SLC39A8: variants seen among roughly 807,000 people sequenced by gnomAD.
SLC39A8 encodes the protein solute carrier family 39 member 8.
In SLC39A8, 15 loss-of-function variants were observed where a neutral mutation model predicts 40.4. The ratio of observed to expected loss-of-function variants is 0.37; its 90% CI spans 0.25 to 0.57. The LOEUF is 0.57. SLC39A8 is among the 20% of genes least tolerant of loss of function. The probability of loss-of-function intolerance (pLI) is 0.75; values close to 1 mark genes in which losing one functional copy is unlikely to be tolerated. For synonymous variants in SLC39A8, 223 were observed against 221.6 expected, an observed-to-expected ratio of 1.01 and a Z score of -0.06; for missense variants, 472 against 558.8, an observed-to-expected ratio of 0.84 and a Z score of 1.57.
chr4:102,338,625 C>T (rs541005542), intron 2 of SLC39A8, among the ~76,000 whole-genome samples: 3 of 152,202 alleles, frequency 2.0e-5, no homozygotes, highest in South Asian at 4.2e-4. Context: ...GTAACTTCTC[C>T]CTGTAGTTCA....
intron 6 of SLC39A8, among the ~76,000 whole-genome samples, chr4:102,285,844 CT>C (rs777440260): frequency 4.0e-4 from 61 of 152,094 alleles, no homozygotes; most frequent in Non-Finnish European, 6.9e-4. Flanking sequence ...AATTCTGCCT[CT>C]GCAAGTGCTT....
At chr4:102,323,246 T>C (rs1193351556) in intron 2 of SLC39A8, among the ~76,000 whole-genome samples, 1 of 152,238 alleles carries the variant, frequency 6.6e-6, no homozygotes, top group Non-Finnish European at 1.5e-5. Context: ...AACAGGTTGC[T>C]CACACCTTCT....
rs191664734 is a variant in SLC39A8 at position 102,312,396 on chromosome 4, G to T, written c.382+3272C>A. 3.5e-4 allele frequency among the ~76,000 whole-genome samples: 53 copies of T among 152,108 alleles called. 1 individual carries two copies. The highest frequency in any genetic ancestry group is 6.6e-4 in the Admixed American group (10 of 15,258). ...GGTGATCCCATAACTTAGAATTGCTGACTTTTCCATTTTATGACTTTGTAG... is the reference window on the plus strand; with the variant it reads ...GGTGATCCCATAACTTAGAATTGCTTACTTTTCCATTTTATGACTTTGTAG... On this transcript the variant is annotated intron_variant, in intron 3 of 8. Transcript: ENST00000356736.
Position 102,315,707 on chromosome 4 carries a change from C to A in SLC39A8, c.343G>T (p.Asp115Tyr), listed in dbSNP as rs1405467197. 4 of 1,612,538 alleles carry A rather than the reference C, an allele frequency of 2.5e-6. No homozygotes were observed. The highest frequency in any genetic ancestry group is 2.7e-5 in the African/African-American group (2 of 74,846). The change falls in exon 3 of 9, where the codon GAT (aspartate) becomes TAT (tyrosine). Residue 115 changes from aspartate (D) to tyrosine (Y), a missense_variant. Asp to Tyr is a radical substitution (Grantham distance 160, BLOSUM62 -3). This residue lies in a region of SLC39A8 where 175 missense variants were observed against 160.5 expected (regional missense o/e 1.09). Transcript: ENST00000356736. ...GGTCTTGTTTTGTGCTTGGGCCGAT[C>A]CTCACATGGGTGAAAGTTCAATTGC... ...LQQLNFHPCE[D>Y]RPKHKTRPSH...
chr4:102,329,027 CA>C (rs35230164), intron 2 of SLC39A8, among the ~76,000 whole-genome samples: 1,079 of 95,472 alleles, frequency 0.011, 3 homozygotes, highest in Non-Finnish European at 0.013. Context: ...GACTGAATCT[CA>C]AAAAAAAAAA....
chr4:102,274,133 G>A (rs1198289854), intron 6 of SLC39A8, among the ~76,000 whole-genome samples: 1 of 152,050 alleles, frequency 6.6e-6, no homozygotes, highest in African/African-American at 2.4e-5. Flanking sequence ...TTCAGAAGGT[G>A]GGTAAAAACA....
At chr4:102,284,271 C>A (rs1188883054) in intron 6 of SLC39A8, among the ~76,000 whole-genome samples, 3 of 152,168 alleles carry the variant, frequency 2.0e-5, no homozygotes, top group Non-Finnish European at 4.4e-5. Flanking sequence ...TTCTGAATCT[C>A]CATTGTCTAT....
intron 2 of SLC39A8, among the ~76,000 whole-genome samples, chr4:102,330,240 T>G (rs1336618928): frequency 6.6e-6 from 1 of 152,132 alleles, no homozygotes; most frequent in Admixed American, 6.5e-5. Flanking sequence ...GGAGCTGGTT[T>G]TTTTGAAAAG....
intron 6 of SLC39A8, among the ~76,000 whole-genome samples, chr4:102,282,093 A>G (rs233825): frequency 0.29 from 44,262 of 152,134 alleles, 6,704 homozygotes; most frequent in South Asian, 0.37. Flanking sequence ...AGGTTAGGTA[A>G]ATTAACCAAA....
At chr4:102,324,709 C>G (rs1411681193) in intron 2 of SLC39A8, among the ~76,000 whole-genome samples, 1 of 152,146 alleles carries the variant, frequency 6.6e-6, no homozygotes, top group Non-Finnish European at 1.5e-5. Flanking sequence ...TTCCAGGATT[C>G]CAGAGGTTTC....
Position 102,342,117 on chromosome 4 carries a change from C to T in SLC39A8, c.219+2327G>A, listed in dbSNP as rs142367139. On this transcript the variant is annotated intron_variant, in intron 2 of 8. Coordinates refer to ENST00000356736, the MANE Select transcript of SLC39A8 (RefSeq NM_001135146.2). Reference sequence around the variant, plus strand: ...ATACATGAATGTTGTGGGCTCAAGTCCATCACTTACCAGCAAATCAATGGA... The same window carrying T: ...ATACATGAATGTTGTGGGCTCAAGTTCATCACTTACCAGCAAATCAATGGA... Among the ~76,000 whole-genome samples the T allele has an allele frequency of 2.0e-5, 3 of 152,298 alleles. No homozygotes were observed. In the East Asian group the frequency reaches 5.8e-4, roughly 29 times the overall value.
chr4:102,315,247 TCTAGAAGCATG>T (rs1169139284), intron 3 of SLC39A8, among the ~76,000 whole-genome samples: 3 of 152,142 alleles, frequency 2.0e-5, no homozygotes, highest in African/African-American at 7.2e-5. Flanking sequence ...GAAAATTTAA[TCTAGAAGCATG>T]CTAGTTCTCT....
At chr4:102,315,352 A>C (rs1214134623) in intron 3 of SLC39A8, among the ~76,000 whole-genome samples, 1 of 152,188 alleles carries the variant, frequency 6.6e-6, no homozygotes, top group Non-Finnish European at 1.5e-5. Flanking sequence ...GAAATGATCA[A>C]TTATAAGCCA....
intron 6 of SLC39A8, among the ~76,000 whole-genome samples, chr4:102,283,175 A>T (rs993205570): frequency 2.6e-5 from 4 of 152,248 alleles, no homozygotes; most frequent in Non-Finnish European, 5.9e-5. Flanking sequence ...TATTGTTTGC[A>T]AGATGCTTTT....
chr4:102,307,590 A>T lies in SLC39A8; in HGVS notation c.398T>A (p.Phe133Tyr). ...PSHSEVWGYG[F>Y]LSVTIINLAS... is the part of the protein sequence containing the mutation. ...CAGATTAATAATCGTCACTGACAGG[A>T]ATCCATATCCCCAAACTGTGGGTCA... The change falls in exon 4 of 9, where the codon TTC (phenylalanine) becomes TAC (tyrosine). Residue 133 changes from phenylalanine to tyrosine, a missense_variant. By Grantham distance (22) the Phe-to-Tyr change is conservative (BLOSUM62 3). Transcript: ENST00000356736. 1 of 1,613,156 alleles carries T rather than the reference A, an allele frequency of 6.2e-7. No individual in the cohort carries two copies. Among genetic ancestry groups the T allele is most frequent in the Non-Finnish European group, 8.5e-7 (1 of 1,179,436 alleles).
intron 5 of SLC39A8, 28 bp downstream of exon 5, chr4:102,304,961 T>A: frequency 3.8e-6 from 6 of 1,571,610 alleles, no homozygotes; most frequent in Non-Finnish European, 5.2e-6. Context: ...GGGTAAAATA[T>A]TGGATGTTTT....
At chr4:102,279,266 C>T (rs1732771243) in intron 6 of SLC39A8, among the ~76,000 whole-genome samples, 1 of 152,080 alleles carries the variant, frequency 6.6e-6, no homozygotes, top group African/African-American at 2.4e-5. Flanking sequence ...TTCTGATTCA[C>T]TGGAAGTAGA....
Position 102,317,081 on chromosome 4 carries a change from T to C in SLC39A8, c.220-1251A>G, listed in dbSNP as rs184625348. On this transcript the variant is annotated intron_variant, in intron 2 of 8. Coordinates refer to ENST00000356736, the MANE Select transcript of SLC39A8 (RefSeq NM_001135146.2). Reference sequence around the variant, plus strand: ...GTTGCTTAAGCCACCTAGGCTTTGGTATTTTGTTATGGCAGCCTGAGCTGA... The same window carrying C: ...GTTGCTTAAGCCACCTAGGCTTTGGCATTTTGTTATGGCAGCCTGAGCTGA... 4.0e-3 allele frequency among the ~76,000 whole-genome samples: 607 copies of C among 152,300 alleles called. 5 individuals carry two copies. The highest frequency in any genetic ancestry group is 0.014 in the African/African-American group (567 of 41,566).
Position 102,332,634 on chromosome 4 carries a change from T to C in SLC39A8, c.219+11810A>G, listed in dbSNP as rs561050019. Among the ~76,000 whole-genome samples, 12 of 152,342 alleles carry C rather than the reference T, an allele frequency of 7.9e-5. No homozygotes were observed. The South Asian group carries it at 2.5e-3, about 32-fold the overall frequency. The stretch of plus-strand genomic sequence containing the variant: ...TTCCTCAAGGATCTAGAACCAGAAA[T>C]ACCAATTGATGGTTTGCAGTCCCAT... On this transcript the variant is annotated intron_variant, in intron 2 of 8. Transcript: ENST00000356736.
Sources: gnomAD v4.1 joint callset for allele counts (sites outside exome capture counted in the v4.1 genomes callset) on GRCh38, gnomAD v4.1.1 for gene constraint, gnomAD v4.1.1 regional missense constraint, MANE v1.5 for transcripts, NCBI Gene and HGNC (gene_info 2026-07-23, HGNC 2026-07-21) for gene names.